Variants in SEMA4D observed in about 807,000 individuals in gnomAD.
SEMA4D encodes the protein semaphorin 4D, also known as semaphorin-4D.
SEMA4D carries 22 observed loss-of-function variants against 74.8 expected under a neutral mutation model. That is an observed-to-expected ratio of 0.29 (90% CI 0.21 to 0.42). The LOEUF (loss-of-function observed/expected upper bound fraction) is 0.42, where lower values mean the gene tolerates loss of function less well. SEMA4D is among the 10% of genes least tolerant of loss of function. The pLI, the probability that SEMA4D is intolerant of heterozygous loss-of-function variation, is 1.00. For synonymous variants in SEMA4D, 445 were observed against 463.7 expected (o/e 0.96, Z 0.52); for missense variants, 937 against 1,118.4 (o/e 0.84, Z 2.31).
intron 2 of SEMA4D, among the ~76,000 whole-genome samples, chr9:89,452,824 T>G (rs1854938339): frequency 6.6e-6 from 1 of 152,204 alleles, no homozygotes; most frequent in African/African-American, 2.4e-5. Flanking sequence ...TGCTGCACTG[T>G]CTCTAGACTG....
chr9:89,461,288 G>A (rs1857135532), intron 1 of SEMA4D, among the ~76,000 whole-genome samples: 5 of 152,094 alleles, frequency 3.3e-5, no homozygotes, highest in Admixed American at 3.3e-4. Flanking sequence ...CCTTACAAGG[G>A]TACCTCTTAG....
chr9:89,438,474 GT>G lies in SEMA4D; in HGVS notation c.-244+17413del, dbSNP rs771652918. Among the ~76,000 whole-genome samples the G allele has an allele frequency of 5.7e-4, 87 of 152,354 alleles. 1 individual carries two copies. Among genetic ancestry groups the G allele is most frequent in the Non-Finnish European group, 4.3e-4 (29 of 68,040 alleles). On this transcript the variant is annotated intron_variant, in intron 2 of 15. Coordinates refer to ENST00000422704, the MANE Select transcript of SEMA4D (RefSeq NM_001371194.2). ...AACTCCTGCTCACGACAGAGCTGGG[GT>G]CATGCAATTAGATAAAATATTAATC...
At chr9:89,393,707 T>A in intron 6 of SEMA4D, 52 bp from the exon 7 acceptor site, 2 of 1,345,464 alleles carry the variant, frequency 1.5e-6, no homozygotes, top group South Asian at 1.2e-5. Context: ...ATTTCTATAG[T>A]AACAATGTGT....
chr9:89,449,557 G>A (rs1853835811), intron 2 of SEMA4D: 3 of 789,182 alleles, frequency 3.8e-6, no homozygotes, highest in African/African-American at 1.7e-5. Flanking sequence ...GTGGCAGGAA[G>A]ATGTCAGGCA....
chr9:89,388,913 G>A lies in SEMA4D; in HGVS notation c.909C>T (p.Gly303=). ...GTGCATAGAACACAGGCACCTTCAG[G>A]CCCGGGGACCTGAGCACGAAGACAT... The part of the protein sequence containing the change: ...LRDVFVLRSP[G]LKVPVFYALF... Residue 303 remains glycine, a synonymous_variant, in exon 10 of 16, where the codon GGC becomes GGT. Transcript: ENST00000422704. The A allele has an allele frequency of 1.2e-6, 2 of 1,614,164 alleles. No homozygotes were observed. Among genetic ancestry groups the A allele is most frequent in the Non-Finnish European group, 1.7e-6 (2 of 1,180,026 alleles).
intron 2 of SEMA4D, among the ~76,000 whole-genome samples, chr9:89,452,917 G>A (rs1854971857): frequency 6.6e-6 from 1 of 152,226 alleles, no homozygotes; most frequent in Non-Finnish European, 1.5e-5. Context: ...AGGACCCTGA[G>A]TGCCCATCAG....
chr9:89,432,877 C>A (rs746887272), intron 2 of SEMA4D, among the ~76,000 whole-genome samples: 1 of 152,178 alleles, frequency 6.6e-6, no homozygotes, highest in Non-Finnish European at 1.5e-5. Flanking sequence ...TGGGTATGTA[C>A]ACAAAGAAGT....
At chr9:89,458,845 C>T (rs1856590692) in intron 1 of SEMA4D, among the ~76,000 whole-genome samples, 3 of 151,564 alleles carry the variant, frequency 2.0e-5, no homozygotes, top group Admixed American at 1.3e-4. Flanking sequence ...GATACATATG[C>T]CCACATGGAT....
At chr9:89,448,612 C>T (rs1263133824) in intron 2 of SEMA4D, among the ~76,000 whole-genome samples, 3 of 152,342 alleles carry the variant, frequency 2.0e-5, no homozygotes, top group Non-Finnish European at 2.9e-5. Flanking sequence ...GCAGAGAAGG[C>T]GTAAAACCAC....
intron 2 of SEMA4D, chr9:89,450,507 G>A (rs1854112697): frequency 7.6e-7 from 1 of 1,307,406 alleles, no homozygotes; most frequent in Non-Finnish European, 1.1e-6. Context: ...TGAATTTGTT[G>A]CCCAGTTTAA....
chr9:89,470,549 A>G (rs1859907063), intron 1 of SEMA4D, among the ~76,000 whole-genome samples: 1 of 152,228 alleles, frequency 6.6e-6, no homozygotes, highest in African/African-American at 2.4e-5. Context: ...ACTAGAAAAG[A>G]CTTGGGCAGT....
chr9:89,468,016 A>G (rs1433372811), intron 1 of SEMA4D, among the ~76,000 whole-genome samples: 1 of 151,894 alleles, frequency 6.6e-6, no homozygotes, highest in Non-Finnish European at 1.5e-5. Flanking sequence ...AAAGAGAGTC[A>G]GCCTGTCCAA....
chr9:89,380,555 C>T (rs1310081804), intron 15 of SEMA4D, among the ~76,000 whole-genome samples: 1 of 152,216 alleles, frequency 6.6e-6, no homozygotes, highest in African/African-American at 2.4e-5. Flanking sequence ...AGACACAGAA[C>T]TGAGGGTCAA....
chr9:89,416,472 G>A (rs570648997), intron 2 of SEMA4D, among the ~76,000 whole-genome samples: 54 of 152,116 alleles, frequency 3.5e-4, no homozygotes, highest in African/African-American at 1.1e-3. Flanking sequence ...CACGCGAGGC[G>A]CGACCCACCT....
intron 2 of SEMA4D, chr9:89,450,671 A>AGG (rs1332574513): frequency 1.1e-5 from 6 of 528,298 alleles, no homozygotes; most frequent in Admixed American, 3.1e-5. Context: ...AAAAAAAAAA[A>AGG]AAAAAAAAAA....
chr9:89,431,040 T>C (rs950816883), intron 2 of SEMA4D, among the ~76,000 whole-genome samples: 7 of 152,186 alleles, frequency 4.6e-5, no homozygotes, highest in Non-Finnish European at 1.0e-4. Context: ...ACAATAATAT[T>C]ATAGCATGCT....
At chr9:89,389,632 C>T (rs1444829804) in intron 9 of SEMA4D, among the ~76,000 whole-genome samples, 1 of 152,188 alleles carries the variant, frequency 6.6e-6, no homozygotes, top group Admixed American at 6.5e-5. Flanking sequence ...ATCCGATGAC[C>T]AAGACACAAT....
At chr9:89,461,700 C>CTCTCTCTCTTTTTTTTTTTTTTTTTTTT (rs71281350) in intron 1 of SEMA4D, among the ~76,000 whole-genome samples, 3 of 103,646 alleles carry the variant, frequency 2.9e-5, no homozygotes, top group African/African-American at 1.0e-4. Flanking sequence ...TCTTTTTTCT[C>CTCTCTCTCTTTTTTTTTTTTTTTTTTTT]TTTTTTTTTT....
At chr9:89,472,227 A>G in intron 1 of SEMA4D, 1 of 263,268 alleles carries the variant, frequency 3.8e-6, no homozygotes, top group Non-Finnish European at 7.4e-6. Flanking sequence ...TGGAGGGTAA[A>G]GAACACAAGA....
Sources: gnomAD v4.1 joint callset for allele counts (sites outside exome capture counted in the v4.1 genomes callset) on GRCh38, gnomAD v4.1.1 for gene constraint, MANE v1.5 for transcripts, NCBI Gene and HGNC (gene_info 2026-07-23, HGNC 2026-07-21) for gene names.